PHLPP1: variants seen among roughly 807,000 people sequenced by gnomAD.
The protein encoded by PHLPP1 is PH domain and leucine rich repeat protein phosphatase 1.
In PHLPP1, 42 loss-of-function variants were observed where a neutral mutation model predicts 117.2. The ratio of observed to expected loss-of-function variants is 0.36; its 90% CI spans 0.28 to 0.46. The LOEUF (loss-of-function observed/expected upper bound fraction) is 0.46. Ranked by LOEUF, PHLPP1 falls within the 20% of genes least tolerant of loss-of-function variation. The pLI is 1.00. For missense variants in PHLPP1, 2,084 were observed against 2,241.9 expected (o/e 0.93, Z 1.42); for synonymous variants, 1,042 against 970.7 (o/e 1.07, Z -1.37).
At chr18:62,887,436 G>A (rs968843861) in intron 4 of PHLPP1, among the ~76,000 whole-genome samples, 2 of 152,178 alleles carry the variant, frequency 1.3e-5, no homozygotes, top group East Asian at 1.9e-4. Flanking sequence ...CCTTAGAGTG[G>A]ATAATTTATA....
In PHLPP1 at chr18:62,978,629, C is replaced by T. The variant is rs1911276171; in HGVS notation, c.4352C>T (p.Ser1451Leu). 6.2e-7 allele frequency: 1 copy of T among 1,613,810 alleles called. No individual in the cohort carries two copies. Among genetic ancestry groups the T allele is most frequent in the South Asian group, 1.1e-5 (1 of 91,080 alleles). The change falls in exon 17 of 17, where the codon TCA (serine) becomes TTA (leucine). Residue 1451 changes from serine (S) to leucine (L), a missense_variant. Physicochemically the swap from Ser to Leu is moderately radical, Grantham distance 145 (BLOSUM62 -2). Around this residue, in one of 2 missense-constraint regions of PHLPP1, gnomAD observed 1,365 missense variants for 1,605.9 expected, o/e 0.85. Coordinates refer to ENST00000262719, the MANE Select transcript of PHLPP1 (RefSeq NM_194449.4). This position sits in a 1 kb window ranked among gnomAD's most constrained non-coding sequence, Gnocchi z 7.0. ...CCCAGTCCTGGCATCTTTCCTCCCT[C>T]AGTGAACATGGTGATCAAGGATCGG... ...PPPSPGIFPP[S>L]VNMVIKDRPS...
At chr18:62,740,487 T>C (rs534656230) in intron 1 of PHLPP1, among the ~76,000 whole-genome samples, 1 of 152,322 alleles carries the variant, frequency 6.6e-6, no homozygotes, top group South Asian at 2.1e-4. Flanking sequence ...TATGTAGATA[T>C]AAACCAGATG....
At chr18:62,883,661 G>T (rs1307794531) in intron 4 of PHLPP1, among the ~76,000 whole-genome samples, 1 of 152,004 alleles carries the variant, frequency 6.6e-6, no homozygotes, top group African/African-American at 2.4e-5. Context: ...TACTCTTGGG[G>T]CCATCAGTTA....
At chr18:62,829,831 C>T (rs1353446786) in intron 1 of PHLPP1, among the ~76,000 whole-genome samples, 2 of 152,172 alleles carry the variant, frequency 1.3e-5, no homozygotes, top group Non-Finnish European at 2.9e-5. Flanking sequence ...AAAGGCTCTT[C>T]ACTTATTGTT....
intron 1 of PHLPP1, among the ~76,000 whole-genome samples, chr18:62,819,847 T>C (rs962828301): frequency 6.6e-6 from 1 of 152,194 alleles, no homozygotes; most frequent in African/African-American, 2.4e-5. Flanking sequence ...GGTTTCACCA[T>C]GTTGGCCGCC....
intron 4 of PHLPP1, among the ~76,000 whole-genome samples, chr18:62,878,236 A>G (rs2063056021): frequency 6.6e-6 from 1 of 152,226 alleles, no homozygotes; most frequent in South Asian, 2.1e-4. Context: ...GACCAAACTG[A>G]TGCTTATTTT....
intron 1 of PHLPP1, among the ~76,000 whole-genome samples, chr18:62,829,468 C>G (rs149185209): frequency 6.6e-6 from 1 of 152,090 alleles, no homozygotes; most frequent in Non-Finnish European, 1.5e-5. Flanking sequence ...AATAAAACTC[C>G]AACCCAGGCG....
intron 1 of PHLPP1, among the ~76,000 whole-genome samples, chr18:62,760,196 C>T (rs865977446): frequency 7.2e-5 from 11 of 152,120 alleles, no homozygotes; most frequent in Non-Finnish European, 1.0e-4. Flanking sequence ...TTTCCAGTGT[C>T]TCTTGAAAAG....
intron 12 of PHLPP1, among the ~76,000 whole-genome samples, chr18:62,947,181 T>G (rs573667109): frequency 1.3e-5 from 2 of 152,360 alleles, no homozygotes; most frequent in South Asian, 2.1e-4. Flanking sequence ...AGCTGAAAAT[T>G]CACTGCTCTG....
At chr18:62,750,585 A>G (rs1323108709) in intron 1 of PHLPP1, among the ~76,000 whole-genome samples, 1 of 152,042 alleles carries the variant, frequency 6.6e-6, no homozygotes, top group Non-Finnish European at 1.5e-5. Context: ...TGGACTGTTG[A>G]CTTTTTGTCT....
At chr18:62,898,529 G>A (rs1433414528) in intron 6 of PHLPP1, among the ~76,000 whole-genome samples, 3 of 152,024 alleles carry the variant, frequency 2.0e-5, no homozygotes, top group Admixed American at 6.6e-5. Context: ...CTAGTTCAAG[G>A]TACTCAAGCC....
intron 1 of PHLPP1, among the ~76,000 whole-genome samples, chr18:62,819,770 C>T (rs1052115455): frequency 4.6e-5 from 7 of 152,132 alleles, no homozygotes; most frequent in Non-Finnish European, 7.4e-5. Flanking sequence ...CTCAGCCTCC[C>T]GAGTAGCTGG....
rs185606137 is a variant in PHLPP1, at chr18:62,723,604, G to C, written c.1576+6345G>C. Among the ~76,000 whole-genome samples the C allele has an allele frequency of 2.0e-5, 3 of 152,302 alleles. No individual in the cohort carries two copies. The East Asian group carries it at 5.8e-4, about 29-fold the overall frequency. ...ACCTGCCTCAGTTAATAATGTGTTA[G>C]AGTGTTTGGGCTTTCTTTTCAAATA... On this transcript the variant is annotated intron_variant, in intron 1 of 16. Transcript: ENST00000262719.
At chr18:62,944,212 C>T (rs1910212323) in intron 11 of PHLPP1, among the ~76,000 whole-genome samples, 1 of 152,120 alleles carries the variant, frequency 6.6e-6, no homozygotes, top group African/African-American at 2.4e-5. Context: ...AGTCTAACAT[C>T]AGCAGGAGTG....
intron 10 of PHLPP1, among the ~76,000 whole-genome samples, chr18:62,938,683 T>C (rs1033149303): frequency 6.6e-6 from 1 of 152,208 alleles, no homozygotes; most frequent in African/African-American, 2.4e-5. Flanking sequence ...ATGCTGGCAG[T>C]TTCCCCCTTA....
At chr18:62,805,978 A>T (rs1022584238) in intron 1 of PHLPP1, among the ~76,000 whole-genome samples, 2 of 152,080 alleles carry the variant, frequency 1.3e-5, no homozygotes, top group African/African-American at 4.8e-5. Flanking sequence ...AAATGACTTT[A>T]AAAGTTCTCT....
chr18:62,882,019 C>T (rs1034109464), intron 4 of PHLPP1, among the ~76,000 whole-genome samples: 3 of 152,156 alleles, frequency 2.0e-5, no homozygotes, highest in Non-Finnish European at 1.5e-5. Flanking sequence ...GGTGTTCCTT[C>T]CTTTCCTCAT....
chr18:62,787,235 C>T (rs901252851), intron 1 of PHLPP1, among the ~76,000 whole-genome samples: 4 of 152,114 alleles, frequency 2.6e-5, no homozygotes, highest in South Asian at 2.1e-4. Flanking sequence ...GTATATGGTA[C>T]ACTCAGCCCA....
chr18:62,875,171 G>T (rs918035119), intron 4 of PHLPP1, among the ~76,000 whole-genome samples: 14 of 152,222 alleles, frequency 9.2e-5, no homozygotes, highest in Non-Finnish European at 1.5e-4. Flanking sequence ...AGCCAGGATG[G>T]TCTCAGTCTC....
Sources: gnomAD v4.1 joint callset for allele counts (sites outside exome capture counted in the v4.1 genomes callset) on GRCh38, gnomAD v4.1.1 for gene constraint, gnomAD v4.1.1 regional missense constraint, Gnocchi (gnomAD v3.1) non-coding constraint, MANE v1.5 for transcripts, NCBI Gene and HGNC (gene_info 2026-07-23, HGNC 2026-07-21) for gene names.